The following CTNNA3 variants were observed in gnomAD, a reference collection of about 807,000 sequenced individuals.
CTNNA3 encodes the protein catenin alpha 3.
A neutral mutation model predicts 95.7 loss-of-function variants in CTNNA3; 76 were observed. The ratio of observed to expected loss-of-function variants is 0.79; its 90% CI spans 0.66 to 0.96. The LOEUF (loss-of-function observed/expected upper bound fraction) is 0.96, where lower values mean the gene tolerates loss of function less well. CTNNA3 is among the 40% of genes least tolerant of loss of function. The probability of loss-of-function intolerance (pLI) is 0.00; values close to 1 mark genes in which losing one functional copy is unlikely to be tolerated. For synonymous variants in CTNNA3, 431 were observed against 374.4 expected (o/e 1.15, Z -1.74); for missense variants, 1,191 against 1,089.8 (o/e 1.09, Z -1.31).
chr10:66,099,764 C>T (rs185395440), intron 14 of CTNNA3, among the ~76,000 whole-genome samples: 2 of 152,256 alleles, frequency 1.3e-5, no homozygotes, highest in East Asian at 3.9e-4. Context: ...ATCCTTTGCT[C>T]TGTCCTCTTT....
At chr10:66,730,417 A>G (rs548904383) in intron 9 of CTNNA3, among the ~76,000 whole-genome samples, 1 of 152,282 alleles carries the variant, frequency 6.6e-6, no homozygotes, top group South Asian at 2.1e-4. Flanking sequence ...ACATGGACAC[A>G]TTGTTGGAGG....
chr10:67,695,501 T>C (rs1840947367), intron 1 of CTNNA3, among the ~76,000 whole-genome samples: 1 of 152,214 alleles, frequency 6.6e-6, no homozygotes, highest in Non-Finnish European at 1.5e-5. Flanking sequence ...CTCTTAATAT[T>C]CCTTCCAATT....
chr10:66,703,208 G>A (rs1264057774), intron 9 of CTNNA3, among the ~76,000 whole-genome samples: 1 of 152,100 alleles, frequency 6.6e-6, no homozygotes, highest in Non-Finnish European at 1.5e-5. Flanking sequence ...TGTGCCAGGA[G>A]TGTACTACTG....
At chr10:66,365,260 T>C (rs1281361672) in intron 12 of CTNNA3, among the ~76,000 whole-genome samples, 1 of 152,122 alleles carries the variant, frequency 6.6e-6, no homozygotes, top group African/African-American at 2.4e-5. Flanking sequence ...CTGGAAACCA[T>C]CATTCTCAGC....
upstream of CTNNA3, among the ~76,000 whole-genome samples, chr10:67,700,158 G>T (rs1438357376): frequency 6.6e-6 from 1 of 152,234 alleles, no homozygotes; most frequent in Admixed American, 6.5e-5. Flanking sequence ...AGCTCAAGGA[G>T]GCCTGCCTGC....
At position 66,479,978 on chromosome 10, in the gene CTNNA3, A is replaced by ACACACACACC. The variant is rs1427904243; in HGVS notation, c.1531+40638_1531+40639insGGTGTGTGTG. Among the ~76,000 whole-genome samples, 676 of 151,430 alleles carry ACACACACACC rather than the reference A, an allele frequency of 4.5e-3. 10 individuals carry two copies. The highest frequency in any genetic ancestry group is 0.016 in the African/African-American group (650 of 41,210). ...CACACACACACACACACACACACAC[A>ACACACACACC]CCCCAGAACTTTCAACTCAGCCCAG... is the stretch of plus-strand genomic sequence containing the variant. On this transcript the variant is annotated intron_variant, in intron 11 of 17. Coordinates refer to ENST00000433211, the MANE Select transcript of CTNNA3 (RefSeq NM_013266.4).
intron 7 of CTNNA3, among the ~76,000 whole-genome samples, chr10:67,090,972 G>A (rs997361975): frequency 6.6e-6 from 1 of 151,996 alleles, no homozygotes; most frequent in Non-Finnish European, 1.5e-5. Context: ...ATAGTGATTA[G>A]TGACAAAATT....
At chr10:66,099,919 C>G (rs1345382752) in intron 14 of CTNNA3, among the ~76,000 whole-genome samples, 1 of 152,014 alleles carries the variant, frequency 6.6e-6, no homozygotes, top group Non-Finnish European at 1.5e-5. Flanking sequence ...AGACATAATC[C>G]TCTTACTACA....
chr10:67,686,394 T>C (rs1275754157), intron 1 of CTNNA3, among the ~76,000 whole-genome samples: 2 of 152,210 alleles, frequency 1.3e-5, no homozygotes, highest in South Asian at 2.1e-4. Context: ...AGAGATCATC[T>C]TGGGTGGCAT....
intron 12 of CTNNA3, among the ~76,000 whole-genome samples, chr10:66,336,172 T>G (rs1351198216): frequency 1.3e-5 from 2 of 152,074 alleles, no homozygotes; most frequent in African/African-American, 4.8e-5. Context: ...TGACCCCTTG[T>G]GCTTCCCGGG....
At chr10:66,530,271 G>A (rs114596313) in intron 10 of CTNNA3, among the ~76,000 whole-genome samples, 1,921 of 152,166 alleles carry the variant, frequency 0.013, 36 homozygotes, top group African/African-American at 0.043. Flanking sequence ...ATGATGCCTC[G>A]AATACATCTA....
intron 8 of CTNNA3, among the ~76,000 whole-genome samples, chr10:66,771,094 A>G (rs1279587999): frequency 1.3e-5 from 2 of 152,274 alleles, no homozygotes; most frequent in East Asian, 3.9e-4. Flanking sequence ...AACTGGTACT[A>G]TGCAACATGG....
In CTNNA3 at chr10:67,594,439, C is replaced by A. The variant is rs576986334; in HGVS notation, c.292+12418G>T. On this transcript the variant is annotated intron_variant, in intron 3 of 17. Coordinates refer to ENST00000433211, the MANE Select transcript of CTNNA3 (RefSeq NM_013266.4). Reference sequence around the variant, plus strand: ...ACTGATTCAATTTCAGAACTCATTACTGATCTGTTCAGGGTTTCAATTTAT... The same window carrying A: ...ACTGATTCAATTTCAGAACTCATTAATGATCTGTTCAGGGTTTCAATTTAT... Among the ~76,000 whole-genome samples, 30 of 152,148 alleles carry A rather than the reference C, an allele frequency of 2.0e-4. No individual in the cohort carries two copies. The South Asian group carries it at 6.2e-3, about 32-fold the overall frequency.
intron 7 of CTNNA3, among the ~76,000 whole-genome samples, chr10:66,860,063 G>T: frequency 7.0e-6 from 1 of 142,110 alleles, no homozygotes; most frequent in African/African-American, 2.7e-5. Flanking sequence ...TATACCTAAT[G>T]CTAAATGATG....
chr10:67,644,191 A>C (rs1839630761), intron 2 of CTNNA3, among the ~76,000 whole-genome samples: 1 of 152,196 alleles, frequency 6.6e-6, no homozygotes, highest in African/African-American at 2.4e-5. Flanking sequence ...CCTCTCCAGC[A>C]TCTGTTGTTT....
chr10:66,722,235 G>A (rs1427649312), intron 9 of CTNNA3, among the ~76,000 whole-genome samples: 7 of 151,946 alleles, frequency 4.6e-5, no homozygotes, highest in East Asian at 1.9e-4. Flanking sequence ...AAAATTAGCC[G>A]GGCGTGGTGG....
At chr10:67,379,817 C>G (rs542102807) in intron 5 of CTNNA3, among the ~76,000 whole-genome samples, 1 of 151,732 alleles carries the variant, frequency 6.6e-6, no homozygotes. Flanking sequence ...GTCAGGAGAT[C>G]GAGAGCATCC....
intron 13 of CTNNA3, among the ~76,000 whole-genome samples, chr10:66,128,101 GT>G (rs2082909406): frequency 6.6e-6 from 1 of 152,024 alleles, no homozygotes; most frequent in African/African-American, 2.4e-5. Flanking sequence ...AGTTAGAACT[GT>G]TTTATAAGAT....
At chr10:67,192,979 T>C (rs1439242436) in intron 6 of CTNNA3, among the ~76,000 whole-genome samples, 1 of 152,006 alleles carries the variant, frequency 6.6e-6, no homozygotes, top group Non-Finnish European at 1.5e-5. Context: ...TGGAGGGCAT[T>C]TTGCTAAGTG....
Sources: gnomAD v4.1 joint callset for allele counts (sites outside exome capture counted in the v4.1 genomes callset) on GRCh38, gnomAD v4.1.1 for gene constraint, MANE v1.5 for transcripts, NCBI Gene and HGNC (gene_info 2026-07-23, HGNC 2026-07-21) for gene names.